The following DUSP22 variants were observed in gnomAD, a reference collection of about 807,000 sequenced individuals.
DUSP22 encodes the protein dual specificity protein phosphatase 22.
A neutral mutation model predicts 24.5 loss-of-function variants in DUSP22; 24 were observed. The ratio of observed to expected loss-of-function variants is 0.98; its 90% CI spans 0.71 to 1.38. The LOEUF (loss-of-function observed/expected upper bound fraction) is 1.38. Ranked by LOEUF, DUSP22 falls within the 40% of genes most tolerant of loss-of-function variation. The probability of loss-of-function intolerance (pLI) is 0.00; values close to 1 mark genes in which losing one functional copy is unlikely to be tolerated. For synonymous variants in DUSP22, 160 were observed against 106.4 expected (o/e 1.50, Z -3.10); for missense variants, 330 against 269.2 (o/e 1.23, Z -1.58).
At chr6:321,493 A>G (rs1396519496) in intron 3 of DUSP22, among the ~76,000 whole-genome samples, 7 of 152,302 alleles carry the variant, frequency 4.6e-5, no homozygotes, top group African/African-American at 1.7e-4. Flanking sequence ...GTTAGAAGTG[A>G]TGAGGGTCTG....
chr6:350,599 G>C lies in DUSP22; in HGVS notation c.*1648G>C. ...CAGGCCCCGGATGTACACCCGGAAA[G>C]GGGAGTGTGGCTGTAGAATCATCCA... On this transcript the variant is annotated 3_prime_UTR_variant, in exon 7 of 7. Transcript: ENST00000419235. 7.0e-7 allele frequency: 1 copy of C among 1,432,578 alleles called. No homozygotes were observed. Among genetic ancestry groups the C allele is most frequent in the Non-Finnish European group, 9.1e-7 (1 of 1,096,818 alleles). 88.7% of individuals were successfully genotyped at this position (1,432,578 alleles called of 1,614,324 possible).
At chr6:335,241 A>G (rs1289058808) in intron 4 of DUSP22, 78 bp downstream of exon 4, 48 of 1,568,342 alleles carry the variant, frequency 3.1e-5, no homozygotes, top group Non-Finnish European at 3.9e-5. Flanking sequence ...GAAGTAGAAG[A>G]CTGTGAAGTT....
At chr6:339,231 A>G (rs1452886437) in intron 4 of DUSP22, among the ~76,000 whole-genome samples, 2 of 152,302 alleles carry the variant, frequency 1.3e-5, no homozygotes. Context: ...GGGCTTTGGA[A>G]ATACTCACTT....
chr6:344,180 C>G (rs565949594), intron 4 of DUSP22, among the ~76,000 whole-genome samples: 1 of 150,794 alleles, frequency 6.6e-6, no homozygotes, highest in African/African-American at 2.5e-5. Flanking sequence ...ACTCCCTGAA[C>G]GGTTAGGGGG....
At chr6:333,175 G>A (rs527488620) in intron 3 of DUSP22, among the ~76,000 whole-genome samples, 3,741 of 151,246 alleles carry the variant, frequency 0.025, 4 homozygotes, top group Middle Eastern at 0.048. Context: ...AAGCCCAGGA[G>A]AAATGAGGAC....
Position 351,281 on chromosome 6 carries a change from G to A in DUSP22, c.*2330G>A, listed in dbSNP as rs1760201845. On this transcript the variant is annotated 3_prime_UTR_variant, in exon 7 of 7. Coordinates refer to ENST00000419235, the MANE Select transcript of DUSP22 (RefSeq NM_001286555.3). ...GCCCTTGGTGTGGGTTTTATCTCTG[G>A]TTTGTGTTCTCCGTGGTGGAATTGA... is the stretch of plus-strand genomic sequence containing the variant. 4.9e-6 allele frequency: 1 copy of A among 203,954 alleles called. No homozygotes were observed. The highest frequency in any genetic ancestry group is 9.9e-6 in the Non-Finnish European group (1 of 101,190). 12.6% of individuals were successfully genotyped at this position (203,954 alleles called of 1,614,324 possible).
At chr6:295,375 C>T (rs1282081232) in intron 1 of DUSP22, among the ~76,000 whole-genome samples, 2 of 152,272 alleles carry the variant, frequency 1.3e-5, no homozygotes, top group African/African-American at 2.4e-5. Flanking sequence ...GTTCCGGGCT[C>T]CTGTACGGCG....
intron 3 of DUSP22, among the ~76,000 whole-genome samples, chr6:334,105 C>T (rs1400960380): frequency 1.3e-5 from 2 of 152,304 alleles, no homozygotes; most frequent in African/African-American, 4.8e-5. Flanking sequence ...TGCGTTGTAA[C>T]TCCATCTTCT....
chr6:332,086 A>G (rs951867850), intron 3 of DUSP22, among the ~76,000 whole-genome samples: 2 of 152,296 alleles, frequency 1.3e-5, no homozygotes, highest in African/African-American at 2.4e-5. Context: ...CTTTGTGTTC[A>G]TTGTTCTCAT....
chr6:297,099 C>G (rs929845944), intron 1 of DUSP22, among the ~76,000 whole-genome samples: 1 of 152,424 alleles, frequency 6.6e-6, no homozygotes, highest in East Asian at 1.9e-4. Context: ...TGGGGCACCT[C>G]CACCACTGCT....
chr6:292,956 T>C (rs1338282731), intron 1 of DUSP22, among the ~76,000 whole-genome samples: 1 of 152,294 alleles, frequency 6.6e-6, no homozygotes, highest in African/African-American at 2.4e-5. Context: ...CCCCACATCA[T>C]TAGTAAACGG....
At chr6:330,077 G>A (rs1033206362) in intron 3 of DUSP22, among the ~76,000 whole-genome samples, 3 of 152,302 alleles carry the variant, frequency 2.0e-5, no homozygotes, top group Admixed American at 6.5e-5. Context: ...CAGGGCACCC[G>A]GCACCTCCCT....
chr6:310,150 G>A (rs1405480766), intron 2 of DUSP22, among the ~76,000 whole-genome samples: 11 of 152,308 alleles, frequency 7.2e-5, no homozygotes, highest in African/African-American at 2.7e-4. Context: ...TAGTAGAGAT[G>A]TGGTTTCGCC....
intron 4 of DUSP22, among the ~76,000 whole-genome samples, chr6:335,406 A>G (rs1272699675): frequency 1.3e-5 from 2 of 152,306 alleles, no homozygotes; most frequent in Non-Finnish European, 2.9e-5. Context: ...GCTGTCCACA[A>G]GAAGGGTCTG....
intron 2 of DUSP22, among the ~76,000 whole-genome samples, chr6:307,953 T>A (rs547453934): frequency 9.2e-4 from 140 of 152,350 alleles, no homozygotes; most frequent in African/African-American, 3.2e-3. Flanking sequence ...CCATCCAGAC[T>A]TATTTTTTCC....
chr6:336,420 A>G (rs1231958217), intron 4 of DUSP22, among the ~76,000 whole-genome samples: 5 of 152,294 alleles, frequency 3.3e-5, no homozygotes, highest in Admixed American at 6.5e-5. Context: ...ATGTGCCCCA[A>G]TGTTCAGGAC....
intron 2 of DUSP22, among the ~76,000 whole-genome samples, chr6:309,378 G>C (rs10214858): frequency 6.6e-6 from 1 of 152,192 alleles, no homozygotes; most frequent in Non-Finnish European, 1.5e-5. Context: ...AATAAACTTA[G>C]GCAAAATACT....
chr6:335,615 T>C (rs571301768), intron 4 of DUSP22, among the ~76,000 whole-genome samples: 1 of 152,422 alleles, frequency 6.6e-6, no homozygotes, highest in East Asian at 1.9e-4. Context: ...ATTCTAATAA[T>C]ATATTTTACT....
chr6:330,520 C>A (rs990524780), intron 3 of DUSP22, among the ~76,000 whole-genome samples: 1 of 152,310 alleles, frequency 6.6e-6, no homozygotes, highest in African/African-American at 2.4e-5. Flanking sequence ...CTTTACCAGT[C>A]GTGAAATCAG....
Sources: allele counts gnomAD v4.1 joint callset (sites outside exome capture counted in the v4.1 genomes callset), GRCh38; gene constraint gnomAD v4.1.1; transcripts MANE v1.5; gene names NCBI Gene and HGNC (gene_info 2026-07-23, HGNC 2026-07-21).